HMOX2: variants seen among roughly 807,000 people sequenced by gnomAD.
HMOX2 encodes heme oxygenase (decycling) 2.
A neutral mutation model predicts 33.7 loss-of-function variants in HMOX2; 30 were observed. The observed-to-expected ratio is 0.89, with a 90% CI of 0.67 to 1.21. HMOX2 has a LOEUF of 1.21. Among genes scored for constraint, HMOX2 ranks in the 50% most tolerant of loss-of-function variants. The probability of loss-of-function intolerance (pLI) is 0.00; values close to 1 mark genes in which losing one functional copy is unlikely to be tolerated. For synonymous variants in HMOX2, 155 were observed against 155.0 expected, an observed-to-expected ratio of 1.00 and a Z score of 0.00; for missense variants, 403 against 399.1, an observed-to-expected ratio of 1.01 and a Z score of -0.08.
At chr16:4,500,387 C>T (rs186968271) in intron 1 of HMOX2, among the ~76,000 whole-genome samples, 15 of 152,186 alleles carry the variant, frequency 9.9e-5, no homozygotes, top group Non-Finnish European at 1.6e-4. Context: ...GGTAACAACC[C>T]GAGTTCATGT....
intron 1 of HMOX2, among the ~76,000 whole-genome samples, chr16:4,498,221 C>T (rs1188250649): frequency 6.6e-6 from 1 of 151,862 alleles, no homozygotes. Flanking sequence ...CACACCACCA[C>T]ACCTGGCTAA....
At chr16:4,509,315 G>T in intron 4 of HMOX2, 97 bp from the exon 5 acceptor site, 2 of 1,479,788 alleles carry the variant, frequency 1.4e-6, no homozygotes. Context: ...CTGCACTCTA[G>T]CCTGGGCAAC....
chr16:4,475,502 G>C (rs1455432302), upstream of HMOX2, among the ~76,000 whole-genome samples: 1 of 151,476 alleles, frequency 6.6e-6, no homozygotes, highest in East Asian at 2.0e-4. Flanking sequence ...GGTAGAGACG[G>C]GGTTTCAACA....
At chr16:4,506,632 C>T (rs1350258965) in intron 2 of HMOX2, among the ~76,000 whole-genome samples, 1 of 152,254 alleles carries the variant, frequency 6.6e-6, no homozygotes, top group Non-Finnish European at 1.5e-5. Flanking sequence ...AACACAGACA[C>T]ATGGACGTGG....
chr16:4,509,309 A>T (rs1158821305), intron 4 of HMOX2, 103 bp from the exon 5 acceptor site: 3 of 1,438,010 alleles, frequency 2.1e-6, no homozygotes, highest in African/African-American at 1.4e-5. Context: ...ATAACACTGC[A>T]CTCTAGCCTG....
In HMOX2 at chr16:4,508,165, C is replaced by T. The variant is rs538917494; in HGVS notation, c.657C>T (p.Ile219=). 3.9e-5 allele frequency: 63 copies of T among 1,613,008 alleles called. 2 individuals are homozygous for T. The South Asian group carries it at 6.4e-4, about 16-fold the overall frequency. ...TGAACATGAAGACCAAAGAGAGGATCGTGGAGGAGGCCAACAAGGCTTTTG... is the reference window on the plus strand; with the variant it reads ...TGAACATGAAGACCAAAGAGAGGATTGTGGAGGAGGCCAACAAGGCTTTTG... ...LDLNMKTKER[I]VEEANKAFEY... is the part of the protein sequence containing the mutation. The change falls in exon 4 of 6, where the codon ATC becomes ATT. Residue 219 remains isoleucine (I), a synonymous_variant. Coordinates refer to ENST00000570646, the MANE Select transcript of HMOX2 (RefSeq NM_002134.4).
Position 4,490,702 on chromosome 16 carries a change from G to T in HMOX2, c.-42+14215G>T, listed in dbSNP as rs528701275. Among the ~76,000 whole-genome samples, 268 of 152,184 alleles carry T rather than the reference G, an allele frequency of 1.8e-3. 1 individual carries two copies. Among genetic ancestry groups the T allele is most frequent in the Admixed American group, 2.9e-3 (45 of 15,278 alleles). ...CAAGCTGCCTCTAATAGCTTCTTCTGTTTTTTTGGTGGAAATTCAGTTTCC... is the reference window on the plus strand; with the variant it reads ...CAAGCTGCCTCTAATAGCTTCTTCTTTTTTTTTGGTGGAAATTCAGTTTCC... On this transcript the variant is annotated intron_variant, in intron 1 of 5. Transcript: ENST00000570646.
At chr16:4,508,309 A>G in intron 4 of HMOX2, 105 bp downstream of exon 4, 1 of 1,318,060 alleles carries the variant, frequency 7.6e-7, no homozygotes, top group Non-Finnish European at 1.0e-6. Flanking sequence ...AGGACAGATG[A>G]GCTGCAGGGT....
chr16:4,481,107 GA>G (rs1249655517), intron 1 of HMOX2, among the ~76,000 whole-genome samples: 2 of 151,676 alleles, frequency 1.3e-5, no homozygotes, highest in East Asian at 3.9e-4. Flanking sequence ...AGCACTTTGG[GA>G]GGCGGAGGCG....
chr16:4,499,622 ATAT>A (rs1013494287), intron 1 of HMOX2, among the ~76,000 whole-genome samples: 25 of 152,150 alleles, frequency 1.6e-4, no homozygotes, highest in African/African-American at 6.0e-4. Context: ...AATATGGTTA[ATAT>A]TATAATAGTA....
At chr16:4,478,019 T>A (rs1245124656) in intron 1 of HMOX2, among the ~76,000 whole-genome samples, 7 of 152,180 alleles carry the variant, frequency 4.6e-5, no homozygotes, top group Non-Finnish European at 7.3e-5. Context: ...TTAGAAAAAG[T>A]TATCAGATAA....
chr16:4,493,894 C>G (rs2058358226), intron 1 of HMOX2, among the ~76,000 whole-genome samples: 1 of 152,192 alleles, frequency 6.6e-6, no homozygotes, highest in Non-Finnish European at 1.5e-5. Flanking sequence ...TACAGAAATA[C>G]AAATATTTAA....
At chr16:4,482,191 A>G (rs772922933) in intron 1 of HMOX2, among the ~76,000 whole-genome samples, 3 of 152,206 alleles carry the variant, frequency 2.0e-5, no homozygotes, top group Non-Finnish European at 4.4e-5. Flanking sequence ...GTCTGTGTTC[A>G]GTGTCATATT....
chr16:4,487,562 G>C (rs1470186505), intron 1 of HMOX2, among the ~76,000 whole-genome samples: 1 of 152,138 alleles, frequency 6.6e-6, no homozygotes, highest in African/African-American at 2.4e-5. Context: ...CCAGCACGTT[G>C]GGAGGCCGAG....
At chr16:4,489,174 C>T (rs2058247449) in intron 1 of HMOX2, among the ~76,000 whole-genome samples, 1 of 152,130 alleles carries the variant, frequency 6.6e-6, no homozygotes, top group Non-Finnish European at 1.5e-5. Flanking sequence ...GTAAGGAAGC[C>T]AGTTTAAGAC....
At position 4,508,045 on chromosome 16, in the gene HMOX2, C is replaced by T. The variant is rs1208771797; in HGVS notation, c.537C>T (p.Ser179=). ...KVAQRALKLP[S]TGEGTQFYLF... ...CCCAGCGAGCACTGAAACTCCCCAG[C>T]ACAGGGGAAGGGACCCAGTTCTACC... The change falls in exon 4 of 6, where the codon AGC becomes AGT. Residue 179 remains serine (S), a synonymous_variant. Transcript: ENST00000570646. The T allele has an allele frequency of 4.3e-6, 7 of 1,613,970 alleles. No homozygotes were observed. Among genetic ancestry groups the T allele is most frequent in the Non-Finnish European group, 5.9e-6 (7 of 1,180,014 alleles).
chr16:4,485,178 C>T (rs1804104223), intron 1 of HMOX2, among the ~76,000 whole-genome samples: 1 of 152,154 alleles, frequency 6.6e-6, no homozygotes, highest in Non-Finnish European at 1.5e-5. Flanking sequence ...GTTGGCCAGG[C>T]TGATCTCGAA....
chr16:4,505,750 T>C (rs1596474280), intron 2 of HMOX2, 140 bp downstream of exon 2: 4 of 592,482 alleles, frequency 6.8e-6, no homozygotes, highest in East Asian at 5.6e-5. Flanking sequence ...TGCTTGGCCC[T>C]GCAGGGACCG....
upstream of HMOX2, chr16:4,476,219 C>T (rs917551703): frequency 6.6e-6 from 1 of 152,332 alleles, no homozygotes; most frequent in African/African-American, 2.4e-5. Flanking sequence ...GTGTTCCTGC[C>T]GAAGCACGCC....
Sources: allele counts gnomAD v4.1 joint callset (sites outside exome capture counted in the v4.1 genomes callset), GRCh38; gene constraint gnomAD v4.1.1; transcripts MANE v1.5; gene names NCBI Gene and HGNC (gene_info 2026-07-23, HGNC 2026-07-21).